The following ROBO2 variants were observed in gnomAD, a reference collection of about 807,000 sequenced individuals.
ROBO2 encodes the protein roundabout homolog 2.
Under a neutral mutation model 160.8 loss-of-function variants are expected in ROBO2, and 53 were observed. The ratio of observed to expected loss-of-function variants is 0.33; its 90% CI spans 0.26 to 0.41. ROBO2 has a LOEUF of 0.41. Among genes scored for constraint, ROBO2 ranks in the 10% least tolerant of loss-of-function variants. The pLI, the probability that ROBO2 is intolerant of heterozygous loss-of-function variation, is 1.00. For missense variants in ROBO2, 1,577 were observed against 1,722.4 expected (o/e 0.92, Z 1.49); for synonymous variants, 664 against 611.7 (o/e 1.09, Z -1.26).
intron 2 of ROBO2, among the ~76,000 whole-genome samples, chr3:76,537,540 C>A (rs1166580688): frequency 6.6e-6 from 1 of 151,910 alleles, no homozygotes; most frequent in Non-Finnish European, 1.5e-5. Context: ...GACCACTTAC[C>A]CGATTTGAAA....
At chr3:77,455,721 C>T (rs192656000) in intron 2 of ROBO2, among the ~76,000 whole-genome samples, 1,498 of 146,152 alleles carry the variant, frequency 0.01, 23 homozygotes, top group African/African-American at 0.035. Context: ...TGAGCCACCG[C>T]GCCCGGCCTT....
chr3:76,967,891 T>C (rs557231304), intron 2 of ROBO2, among the ~76,000 whole-genome samples: 9 of 152,224 alleles, frequency 5.9e-5, no homozygotes, highest in African/African-American at 2.2e-4. Context: ...TAAGATTGCT[T>C]ATCTCCGTTT....
chr3:77,529,650 A>T (rs1274483048), intron 6 of ROBO2, among the ~76,000 whole-genome samples: 1 of 151,832 alleles, frequency 6.6e-6, no homozygotes, highest in East Asian at 1.9e-4. Flanking sequence ...TGTCATCTGC[A>T]AGATGTTTCC....
Position 77,495,677 on chromosome 3 carries a change from T to C in ROBO2, c.806+2295T>C, listed in dbSNP as rs1238679737. The stretch of plus-strand genomic sequence containing the variant: ...GATTAGCCGGATTAGACTGCGTTTA[T>C]AGGTTTTTAAAAAGAATACCTTAGA... On this transcript the variant is annotated intron_variant, in intron 5 of 25. Coordinates refer to ENST00000461745, the Ensembl canonical transcript of ROBO2. Among the ~76,000 whole-genome samples the C allele has an allele frequency of 2.6e-5, 4 of 152,330 alleles. No homozygotes were observed. The Middle Eastern group carries it at 0.01, about 389-fold the overall frequency.
At chr3:76,295,365 A>G (rs966983155) in intron 2 of ROBO2, among the ~76,000 whole-genome samples, 46 of 152,278 alleles carry the variant, frequency 3.0e-4, no homozygotes, top group African/African-American at 1.0e-3. Flanking sequence ...AAAAAAAAGT[A>G]TGAATGTAGA....
intron 2 of ROBO2, among the ~76,000 whole-genome samples, chr3:76,774,006 C>T (rs1457518137): frequency 6.6e-6 from 1 of 150,816 alleles, no homozygotes; most frequent in Non-Finnish European, 1.5e-5. Context: ...TACAAATATG[C>T]TCCTTTTAAG....
In ROBO2 at chr3:76,967,203, T is replaced by C. The variant is rs528328396; in HGVS notation, c.110-130811T>C. Among the ~76,000 whole-genome samples the C allele has an allele frequency of 2.6e-5, 4 of 151,688 alleles. No individual in the cohort carries two copies. The East Asian group carries it at 5.8e-4, about 22-fold the overall frequency. ...TGGCACAAGCTGATGTTGAGTACTTTGAAGATTGTCTAATTCCAAAATGTG... is the reference window on the plus strand; with the variant it reads ...TGGCACAAGCTGATGTTGAGTACTTCGAAGATTGTCTAATTCCAAAATGTG... On this transcript the variant is annotated intron_variant, in intron 2 of 26. Coordinates refer to the ROBO2 transcript ENST00000487694.
At chr3:76,473,891 C>T (rs1002754524) in intron 2 of ROBO2, among the ~76,000 whole-genome samples, 1 of 152,068 alleles carries the variant, frequency 6.6e-6, no homozygotes, top group Non-Finnish European at 1.5e-5. Flanking sequence ...AAATGTCTAG[C>T]CTGTTTTTGG....
chr3:76,432,429 C>T (rs1307324184), intron 2 of ROBO2, among the ~76,000 whole-genome samples: 4 of 152,144 alleles, frequency 2.6e-5, no homozygotes, highest in African/African-American at 7.2e-5. Context: ...CTCAGATTGC[C>T]TTAGGTGGGT....
chr3:76,011,796 A>G (rs1576471128), intron 2 of ROBO2, among the ~76,000 whole-genome samples: 1 of 152,316 alleles, frequency 6.6e-6, no homozygotes, highest in East Asian at 1.9e-4. Flanking sequence ...TATTGTTTCC[A>G]GTCATCTGTC....
intron 2 of ROBO2, among the ~76,000 whole-genome samples, chr3:77,305,589 ATG>A (rs1269295712): frequency 3.9e-5 from 6 of 152,186 alleles, no homozygotes; most frequent in African/African-American, 1.4e-4. Flanking sequence ...GAATTCGCCC[ATG>A]TTCACATGGG....
chr3:76,102,887 C>T (rs911259513), intron 2 of ROBO2, among the ~76,000 whole-genome samples: 5 of 150,934 alleles, frequency 3.3e-5, no homozygotes, highest in African/African-American at 9.8e-5. Context: ...TGCAGTGGTG[C>T]GATCTCGGCT....
At chr3:76,483,198 T>A (rs949250229) in intron 2 of ROBO2, among the ~76,000 whole-genome samples, 1 of 152,166 alleles carries the variant, frequency 6.6e-6, no homozygotes, top group Non-Finnish European at 1.5e-5. Flanking sequence ...TGGAGATATT[T>A]TTTCTAAGAG....
chr3:77,493,033 G>A (rs1053598480), intron 4 of ROBO2, among the ~76,000 whole-genome samples: 3 of 152,082 alleles, frequency 2.0e-5, no homozygotes, highest in Non-Finnish European at 4.4e-5. Flanking sequence ...ATGGTCTTAT[G>A]TGCAAACTGT....
At chr3:76,738,176 C>G (rs983390116) in intron 2 of ROBO2, among the ~76,000 whole-genome samples, 1 of 151,960 alleles carries the variant, frequency 6.6e-6, no homozygotes, top group African/African-American at 2.4e-5. Flanking sequence ...AGGCCTTTAA[C>G]AAATATTTAT....
In ROBO2 at chr3:77,635,031, G is replaced by A; in HGVS notation, c.3922G>A (p.Gly1308Arg). ...ACCAGCATTGCCTCATCGAAGGGAA[G>A]GAATGACAGATGGTAGGTTTCTTCC... Residue 1308 changes from glycine to arginine, a missense_variant, in exon 24 of 26, where the codon GGA becomes AGA. By Grantham distance (125) the Gly-to-Arg change is moderately radical (BLOSUM62 -2). This residue lies in a region of ROBO2 where 637 missense variants were observed against 586.9 expected (regional missense o/e 1.09). Coordinates refer to ENST00000461745, the Ensembl canonical transcript of ROBO2. 2 of 1,613,984 alleles carry A rather than the reference G, an allele frequency of 1.2e-6. No homozygotes were observed. Among genetic ancestry groups the A allele is most frequent in the South Asian group, 1.1e-5 (1 of 91,076 alleles).
At chr3:77,131,128 A>G (rs1003375113) in intron 2 of ROBO2, among the ~76,000 whole-genome samples, 6 of 152,114 alleles carry the variant, frequency 3.9e-5, no homozygotes, top group African/African-American at 1.4e-4. Context: ...TGTGGGTATC[A>G]TTTCTACCTT....
rs368535838 is a variant in ROBO2, at chr3:75,939,900, A to G, written c.109+2298A>G. ...GAAAAGAATACATGAAAATTTATAA[A>G]TAAGGTTTTCTCTCTATTAAGTTTA... is the stretch of plus-strand genomic sequence containing the variant. On this transcript the variant is annotated intron_variant, in intron 2 of 26. Transcript: ENST00000487694. 4.6e-3 allele frequency among the ~76,000 whole-genome samples: 693 copies of G among 152,248 alleles called. 32 individuals are homozygous for G. The East Asian group carries it at 0.12, about 26-fold the overall frequency.
intron 2 of ROBO2, among the ~76,000 whole-genome samples, chr3:76,042,055 T>C (rs1344270343): frequency 6.7e-6 from 1 of 148,470 alleles, no homozygotes; most frequent in Non-Finnish European, 1.5e-5. Context: ...CCCCAGAACA[T>C]AGTAAAGTGA....
Sources: gnomAD v4.1 joint callset for allele counts (sites outside exome capture counted in the v4.1 genomes callset) on GRCh38, gnomAD v4.1.1 for gene constraint, gnomAD v4.1.1 regional missense constraint, MANE v1.5 for transcripts, NCBI Gene and HGNC (gene_info 2026-07-23, HGNC 2026-07-21) for gene names.